The following GAS6 variants were observed in gnomAD, a reference collection of about 807,000 sequenced individuals.
The protein encoded by GAS6 is growth arrest-specific protein 6.
Under a neutral mutation model 75.8 loss-of-function variants are expected in GAS6, and 41 were observed. The ratio of observed to expected loss-of-function variants is 0.54; its 90% CI spans 0.42 to 0.70. The LOEUF (loss-of-function observed/expected upper bound fraction) is 0.70, where lower values mean the gene tolerates loss of function less well. Among genes scored for constraint, GAS6 ranks in the 30% least tolerant of loss-of-function variants. The pLI is 0.00. For synonymous variants in GAS6, 432 were observed against 412.6 expected (o/e 1.05, Z -0.57); for missense variants, 854 against 940.2 (o/e 0.91, Z 1.20).
Position 113,835,566 on chromosome 13 carries a change from G to A in GAS6, c.659C>T (p.Ser220Phe), listed in dbSNP as rs1222599520. The change falls in exon 7 of 15, where the codon TCC (serine) becomes TTC (phenylalanine). Residue 220 changes from serine (S) to phenylalanine (F), a missense_variant. Coordinates refer to ENST00000327773, the MANE Select transcript of GAS6 (RefSeq NM_000820.4). ...CGCAAAGCCCTCGTCACAGAGGCAG[G>A]AGTAGGAGCCGGGCAGGTTCTTGCA... is the stretch of plus-strand genomic sequence containing the variant. ...ARCKNLPGSY[S>F]CLCDEGFAYS... 1 of 1,612,624 alleles carries A rather than the reference G, an allele frequency of 6.2e-7. No homozygotes were observed. The highest frequency in any genetic ancestry group is 1.7e-5 in the Admixed American group (1 of 60,018).
Position 113,863,485 on chromosome 13 carries a change from T to TG in GAS6, c.255+89dup, listed in dbSNP as rs2051989877. ...GAGGCCAGGCCTCGCCGCGCGGAGC[T>TG]GGGGGGCGGCAGCAGCGCTGCCTCT... On this transcript the variant is annotated intron_variant, in intron 2 of 14. Transcript: ENST00000327773. This position sits in a 1 kb window ranked among gnomAD's most constrained non-coding sequence, Gnocchi z 9.4. 7 of 1,307,130 alleles carry TG rather than the reference T, an allele frequency of 5.4e-6. No homozygotes were observed. The highest frequency in any genetic ancestry group is 7.2e-5 in the Admixed American group (2 of 27,970). 81.0% of individuals were successfully genotyped at this position (1,307,130 alleles called of 1,614,324 possible).
intron 2 of GAS6, among the ~76,000 whole-genome samples, chr13:113,862,250 A>T (rs1408020774): frequency 6.6e-6 from 1 of 152,130 alleles, no homozygotes; most frequent in Non-Finnish European, 1.5e-5. Flanking sequence ...GGCTGCGCGG[A>T]GCGGGTACTG....
At position 113,821,027 on chromosome 13, in the gene GAS6, C is replaced by T. The variant is rs893585319; in HGVS notation, c.1883-9G>A. 1.2e-6 allele frequency: 2 copies of T among 1,612,028 alleles called. No homozygotes were observed. Among genetic ancestry groups the T allele is most frequent in the Non-Finnish European group, 8.5e-7 (1 of 1,179,678 alleles). ...TGAAGTCACCGGCACATCTGGGCCG[C>T]AGGGAGAGAACAACATATCTTAGCT... On this transcript the variant is annotated splice_polypyrimidine_tract_variant and intron_variant, in intron 14 of 14. Coordinates refer to ENST00000327773, the MANE Select transcript of GAS6 (RefSeq NM_000820.4).
intron 8 of GAS6, chr13:113,833,470 G>C: frequency 1.0e-6 from 1 of 990,410 alleles, no homozygotes; most frequent in Non-Finnish European, 1.2e-6. Flanking sequence ...TTAAATAAAT[G>C]CTCACTCTCA....
chr13:113,821,150 T>C lies in GAS6; in HGVS notation c.1883-132A>G, dbSNP rs938877034. The C allele has an allele frequency of 4.1e-5, 38 of 925,782 alleles. No individual in the cohort carries two copies. The African/African-American group carries it at 6.0e-4, about 15-fold the overall frequency. The allele number at this position is 925,782 out of a possible 1,614,324, so 57.3% of individuals were successfully genotyped here. A position where few individuals can be genotyped will look rare whatever the true frequency, so the allele number is the denominator to read the frequency against. ...AAGGGCAGGGTTTCCCTTTCTTCTC[T>C]AACTTCTCGGTCCCCGTTCGTTTGG... On this transcript the variant is annotated intron_variant, in intron 14 of 14. Transcript: ENST00000327773.
Position 113,832,917 on chromosome 13 carries a change from C to T in GAS6, c.835-165G>A, listed in dbSNP as rs1023081825. 6 of 1,506,336 alleles carry T rather than the reference C, an allele frequency of 4.0e-6. No homozygotes were observed. The African/African-American group carries it at 8.3e-5, about 21-fold the overall frequency. The allele number at this position is 1,506,336 out of a possible 1,614,324, so 93.3% of individuals were successfully genotyped here. On this transcript the variant is annotated intron_variant, in intron 8 of 14. Coordinates refer to ENST00000327773, the MANE Select transcript of GAS6 (RefSeq NM_000820.4). ...CCCAGAGGCTGTCACACCTGCCCCACTGGGACTCCCAGGTGAAGGGCGGGC... is the reference window on the plus strand; with the variant it reads ...CCCAGAGGCTGTCACACCTGCCCCATTGGGACTCCCAGGTGAAGGGCGGGC...
At chr13:113,824,210 G>A (rs1180037803) in intron 12 of GAS6, among the ~76,000 whole-genome samples, 2 of 130,254 alleles carry the variant, frequency 1.5e-5, no homozygotes, top group Non-Finnish European at 1.6e-5. Flanking sequence ...TGGGGTCTGA[G>A]CTGTCGGGAG....
At chr13:113,834,804 G>A in intron 7 of GAS6, 132 bp from the exon 8 acceptor site, 3 of 1,051,268 alleles carry the variant, frequency 2.9e-6, no homozygotes, top group Admixed American at 3.1e-5. Context: ...AACGGGGGCG[G>A]CTTGGGGGTC....
chr13:113,831,192 G>A (rs1042901146), intron 10 of GAS6, among the ~76,000 whole-genome samples: 4 of 152,222 alleles, frequency 2.6e-5, no homozygotes, highest in Admixed American at 1.3e-4. Context: ...CTGCCCAAGT[G>A]CAGGTCTGAC....
intron 13 of GAS6, 41 bp downstream of exon 13, chr13:113,823,334 G>C (rs1340658944): frequency 6.4e-7 from 1 of 1,569,060 alleles, no homozygotes; most frequent in Non-Finnish European, 8.7e-7. Context: ...CGTACCCGTG[G>C]GTCGAGCCGG....
chr13:113,824,925 A>G (rs2051515103), intron 12 of GAS6, among the ~76,000 whole-genome samples: 1 of 152,224 alleles, frequency 6.6e-6, no homozygotes, highest in Non-Finnish European at 1.5e-5. Context: ...GTTCTTTAAA[A>G]TGGAAGCTCC....
chr13:113,822,359 C>T (rs1407274071), intron 13 of GAS6, 173 bp from the exon 14 acceptor site: 1 of 506,924 alleles, frequency 2.0e-6, no homozygotes. Context: ...CACCCCCACC[C>T]CACCTGGGGC....
intron 13 of GAS6, chr13:113,822,464 C>T (rs2051474096): frequency 2.9e-6 from 1 of 350,046 alleles, no homozygotes; most frequent in Non-Finnish European, 5.2e-6. Flanking sequence ...TCAACCCCAG[C>T]CCCAGGCACC....
intron 10 of GAS6, among the ~76,000 whole-genome samples, chr13:113,830,209 G>C (rs1480128124): frequency 6.6e-6 from 1 of 152,190 alleles, no homozygotes; most frequent in Non-Finnish European, 1.5e-5. Context: ...CAAAAACATG[G>C]TACAAATTCG....
intron 10 of GAS6, among the ~76,000 whole-genome samples, chr13:113,829,136 C>T (rs71437246): frequency 9.3e-5 from 9 of 97,216 alleles, no homozygotes; most frequent in South Asian, 8.4e-4. Context: ...AAGAGGGTCC[C>T]GACCTCAGGG....
chr13:113,833,238 C>T lies in GAS6; in HGVS notation c.835-486G>A, dbSNP rs2138632335. ...TGGAGGGGCTGGGGCTGAGCCAGGC[C>T]TGCCCTGCCCACCGTGGGCAGCCAG... On this transcript the variant is annotated intron_variant, in intron 8 of 14. Coordinates refer to ENST00000327773, the MANE Select transcript of GAS6 (RefSeq NM_000820.4). 6 of 1,063,636 alleles carry T rather than the reference C, an allele frequency of 5.6e-6. No individual in the cohort carries two copies. The South Asian group carries it at 9.4e-5, about 17-fold the overall frequency. 65.9% of individuals were successfully genotyped at this position (1,063,636 alleles called of 1,614,324 possible).
At chr13:113,862,721 T>C (rs6602905) in intron 2 of GAS6, among the ~76,000 whole-genome samples, 29,877 of 152,126 alleles carry the variant, frequency 0.2, 3,118 homozygotes, top group South Asian at 0.38. Flanking sequence ...CCATGGTTCA[T>C]CCAGAACCAC....
intron 13 of GAS6, chr13:113,823,112 A>T (rs1417678315): frequency 1.2e-5 from 5 of 401,722 alleles, no homozygotes; most frequent in Non-Finnish European, 4.4e-6. Flanking sequence ...CCAACCGAAC[A>T]GGGGAAAAGC....
Position 113,862,438 on chromosome 13 carries a change from G to A in GAS6, c.255+1137C>T, listed in dbSNP as rs951411527. On this transcript the variant is annotated intron_variant, in intron 2 of 14. Transcript: ENST00000327773. ...GCGACCAGGGCACACAGGCCCACCT[G>A]CCTCAGCCAGCAGCACAGGCCAGGA... is the stretch of plus-strand genomic sequence containing the variant. 1.3e-5 allele frequency among the ~76,000 whole-genome samples: 2 copies of A among 152,232 alleles called. 1 individual carries two copies. The highest frequency in any genetic ancestry group is 4.8e-5 in the African/African-American group (2 of 41,462).
Sources: allele counts gnomAD v4.1 joint callset (sites outside exome capture counted in the v4.1 genomes callset), GRCh38; gene constraint gnomAD v4.1.1; non-coding constraint Gnocchi (gnomAD v3.1); transcripts MANE v1.5; gene names NCBI Gene and HGNC (gene_info 2026-07-23, HGNC 2026-07-21).